Variants in DLG2 observed in about 807,000 individuals in gnomAD.
The protein encoded by DLG2 is disks large homolog 2.
A neutral mutation model predicts 132.5 loss-of-function variants in DLG2; 45 were observed. The observed-to-expected ratio is 0.34, with a 90% confidence interval of 0.27 to 0.44. DLG2 has a LOEUF of 0.44. Among genes scored for constraint, DLG2 ranks in the 20% least tolerant of loss-of-function variants. The probability of loss-of-function intolerance (pLI) is 1.00; values close to 1 mark genes in which losing one functional copy is unlikely to be tolerated. For missense variants in DLG2, 1,045 were observed against 1,196.9 expected (o/e 0.87, Z 1.87); for synonymous variants, 424 against 419.6 (o/e 1.01, Z -0.13).
intron 6 of DLG2, among the ~76,000 whole-genome samples, chr11:84,892,343 T>C (rs1279475280): frequency 6.6e-6 from 1 of 152,136 alleles, no homozygotes; most frequent in African/African-American, 2.4e-5. Flanking sequence ...CAGCAAAATG[T>C]CATTCTTTAT....
chr11:85,451,749 T>C (rs2092253749), intron 3 of DLG2, among the ~76,000 whole-genome samples: 1 of 152,198 alleles, frequency 6.6e-6, no homozygotes, highest in Admixed American at 6.5e-5. Flanking sequence ...AGGGTCTCGC[T>C]GTGTTGCCAA....
At chr11:83,556,784 A>G (rs1427018414) in intron 19 of DLG2, among the ~76,000 whole-genome samples, 2 of 152,228 alleles carry the variant, frequency 1.3e-5, no homozygotes, top group Non-Finnish European at 2.9e-5. Context: ...GCAGAAAAGC[A>G]TGAGAAACTC....
intron 6 of DLG2, among the ~76,000 whole-genome samples, chr11:84,847,590 C>T (rs1381451843): frequency 5.3e-5 from 8 of 152,218 alleles, no homozygotes; most frequent in Admixed American, 2.0e-4. Context: ...TTCTTCATAG[C>T]TTTGCCAGAC....
At chr11:84,373,773 A>G (rs1284268951) in intron 7 of DLG2, among the ~76,000 whole-genome samples, 1 of 152,148 alleles carries the variant, frequency 6.6e-6, no homozygotes. Context: ...AGATGTTCTT[A>G]AAATCCCCCA....
At chr11:83,652,073 T>C (rs1179107161) in intron 18 of DLG2, 2 of 304,036 alleles carry the variant, frequency 6.6e-6, no homozygotes, top group Admixed American at 4.0e-5. Flanking sequence ...CAGTATAAAT[T>C]AAAATGTAGT....
intron 9 of DLG2, among the ~76,000 whole-genome samples, chr11:84,160,354 A>G (rs1019595864): frequency 2.0e-5 from 3 of 152,186 alleles, no homozygotes; most frequent in African/African-American, 7.2e-5. Flanking sequence ...TCTTTGAGGA[A>G]GGAGGAAGCA....
intron 6 of DLG2, among the ~76,000 whole-genome samples, chr11:84,587,972 A>C (rs1199738909): frequency 6.6e-6 from 1 of 152,056 alleles, no homozygotes; most frequent in African/African-American, 2.4e-5. Context: ...TTTTCAGTGC[A>C]CTTCCTATTA....
At chr11:85,268,930 G>T (rs1274309537) in intron 4 of DLG2, among the ~76,000 whole-genome samples, 1 of 152,166 alleles carries the variant, frequency 6.6e-6, no homozygotes, top group East Asian at 1.9e-4. Flanking sequence ...AGAATTTTAA[G>T]GAAGTATATG....
chr11:85,053,432 G>T (rs1367427808), intron 6 of DLG2, among the ~76,000 whole-genome samples: 2 of 151,952 alleles, frequency 1.3e-5, no homozygotes, highest in Non-Finnish European at 2.9e-5. Context: ...GAAGATACAG[G>T]TTAGCATATA....
At chr11:83,556,101 A>G (rs1357628736) in intron 19 of DLG2, among the ~76,000 whole-genome samples, 2 of 152,200 alleles carry the variant, frequency 1.3e-5, no homozygotes, top group African/African-American at 4.8e-5. Flanking sequence ...TATTTATGGC[A>G]CGTGTTTTGA....
intron 4 of DLG2, among the ~76,000 whole-genome samples, chr11:85,214,411 C>T (rs2082447162): frequency 6.6e-6 from 1 of 152,032 alleles, no homozygotes; most frequent in Non-Finnish European, 1.5e-5. Flanking sequence ...ATAAAGAATA[C>T]AGTTGAAATT....
chr11:84,071,564 A>G (rs1023628904), intron 10 of DLG2, among the ~76,000 whole-genome samples: 11 of 151,944 alleles, frequency 7.2e-5, no homozygotes, highest in African/African-American at 2.7e-4. Flanking sequence ...CATTTATTCT[A>G]CCTAATTCTA....
At chr11:83,750,853 G>C (rs1369937570) in intron 18 of DLG2, among the ~76,000 whole-genome samples, 3 of 152,140 alleles carry the variant, frequency 2.0e-5, no homozygotes. Context: ...TTACAGTCCA[G>C]ATATGGAGTA....
chr11:83,775,948 C>T (rs1407815603), intron 18 of DLG2, among the ~76,000 whole-genome samples: 1 of 151,944 alleles, frequency 6.6e-6, no homozygotes, highest in East Asian at 1.9e-4. Context: ...AAAAATTAGC[C>T]AGGTGTGGTG....
chr11:84,246,320 G>C (rs1012505442), intron 8 of DLG2, among the ~76,000 whole-genome samples: 9 of 152,178 alleles, frequency 5.9e-5, no homozygotes, highest in Non-Finnish European at 1.2e-4. Flanking sequence ...TTATTTCTTT[G>C]TTTAGGGTAT....
At chr11:84,420,246 C>T (rs2098944009) in intron 7 of DLG2, among the ~76,000 whole-genome samples, 1 of 152,074 alleles carries the variant, frequency 6.6e-6, no homozygotes. Context: ...TAGCTGAAAA[C>T]GGAGGAAATA....
At chr11:84,682,752 G>A (rs987084694) in intron 6 of DLG2, among the ~76,000 whole-genome samples, 9 of 152,138 alleles carry the variant, frequency 5.9e-5, no homozygotes, top group Admixed American at 5.9e-4. Flanking sequence ...GAGGACTCTA[G>A]GAAGCCTTTA....
chr11:85,158,001 G>A (rs2077718764), intron 4 of DLG2, among the ~76,000 whole-genome samples: 1 of 151,974 alleles, frequency 6.6e-6, no homozygotes, highest in Non-Finnish European at 1.5e-5. Flanking sequence ...CAGTTGCCAG[G>A]CAAGATAATG....
intron 18 of DLG2, among the ~76,000 whole-genome samples, chr11:83,753,864 TTC>T (rs2093509023): frequency 1.9e-4 from 2 of 10,594 alleles, no homozygotes; most frequent in Non-Finnish European, 2.7e-4. Context: ...ATATATATAT[TTC>T]ATATATATGA....
Sources: gnomAD v4.1 joint callset for allele counts (sites outside exome capture counted in the v4.1 genomes callset) on GRCh38, gnomAD v4.1.1 for gene constraint, MANE v1.5 for transcripts, NCBI Gene and HGNC (gene_info 2026-07-23, HGNC 2026-07-21) for gene names.